The following EML6 variants were observed in gnomAD, a reference collection of about 807,000 sequenced individuals.
EML6 encodes the protein echinoderm microtubule-associated protein-like 6.
A neutral mutation model predicts 240.1 loss-of-function variants in EML6; 154 were observed. The ratio of observed to expected loss-of-function variants is 0.64; its 90% CI spans 0.56 to 0.73. The LOEUF (loss-of-function observed/expected upper bound fraction) is 0.73, where lower values mean the gene tolerates loss of function less well. Among genes scored for constraint, EML6 ranks in the 30% least tolerant of loss-of-function variants. EML6 has a pLI of 0.00. For synonymous variants in EML6, 1,148 were observed against 899.0 expected, an observed-to-expected ratio of 1.28 and a Z score of -4.95; for missense variants, 2,964 against 2,474.6, an observed-to-expected ratio of 1.20 and a Z score of -4.20.
intron 2 of EML6, among the ~76,000 whole-genome samples, chr2:54,779,190 C>T (rs1668735042): frequency 6.6e-6 from 1 of 152,084 alleles, no homozygotes; most frequent in Admixed American, 6.5e-5. Context: ...AAAGTTTTGA[C>T]ATCTCAGTTG....
intron 2 of EML6, among the ~76,000 whole-genome samples, chr2:54,772,114 A>G (rs1340137047): frequency 2.6e-5 from 4 of 152,254 alleles, no homozygotes; most frequent in African/African-American, 9.6e-5. Flanking sequence ...TGGAAGCCAC[A>G]GCATTTATTA....
chr2:54,930,319 T>C (rs1674785246), intron 28 of EML6, among the ~76,000 whole-genome samples: 2 of 152,218 alleles, frequency 1.3e-5, no homozygotes, highest in South Asian at 4.1e-4. Context: ...CCTAATCCTC[T>C]TCTTGTCTCA....
chr2:54,964,117 G>A lies in EML6; in HGVS notation c.5289G>A (p.Trp1763Ter). The change falls in exon 37 of 42, where the codon TGG (tryptophan) becomes TGA (stop). Residue 1763 changes from tryptophan to a stop codon, truncating the protein, a stop_gained. Transcript: ENST00000356458. LOFTEE classifies it high-confidence loss of function. ...TGTTGGTGAACAGCCTGAAAGTTTG[G>A]GGGAAAAAACGAGACCGGAAATCTG... Reference protein sequence around the residue: ...VILLVNSLKVWGKKRDRKSAI... With the variant: ...VILLVNSLKV 6.4e-7 allele frequency: 1 copy of A among 1,551,572 alleles called. No homozygotes were observed. Among genetic ancestry groups the A allele is most frequent in the Non-Finnish European group, 8.7e-7 (1 of 1,146,958 alleles).
Position 54,853,859 on chromosome 2 carries a change from A to G in EML6, c.1657+4A>G, listed in dbSNP as rs1263049922. 1.3e-6 allele frequency: 2 copies of G among 1,539,484 alleles called. No individual in the cohort carries two copies. Among genetic ancestry groups the G allele is most frequent in the Admixed American group, 2.0e-5 (1 of 50,770 alleles). ...AAATTTCCTTGTCTCAAGAGAGGTA[A>G]GGCCAAAAGAGATGTTTCATTGCAT... On this transcript the variant is annotated splice_donor_region_variant and intron_variant, in intron 11 of 41. Transcript: ENST00000356458.
chr2:54,961,192 T>G (rs1014248449), intron 35 of EML6, among the ~76,000 whole-genome samples: 1 of 113,430 alleles, frequency 8.8e-6, no homozygotes, highest in African/African-American at 3.5e-5. Context: ...TAGTTTTTTT[T>G]TTTTTTTTTT....
chr2:54,964,581 G>C lies in EML6; in HGVS notation c.5341G>C (p.Asp1781His). ...GATTGCTTTTTCTAGAATCAGCCCA[G>C]ACAACCGATTCTTAGCCGTTGGTTC... ...SAIQDIRISP[D>H]NRFLAVGSSE... The change falls in exon 38 of 42, where the codon GAC (aspartate) becomes CAC (histidine). Residue 1781 changes from aspartate to histidine, a missense_variant. Coordinates refer to ENST00000356458, the MANE Select transcript of EML6 (RefSeq NM_001039753.4). The C allele has an allele frequency of 6.4e-7, 1 of 1,552,364 alleles. No individual in the cohort carries two copies. The highest frequency in any genetic ancestry group is 8.7e-7 in the Non-Finnish European group (1 of 1,147,120).
At chr2:54,743,738 T>C (rs1683770536) in intron 2 of EML6, among the ~76,000 whole-genome samples, 2 of 152,238 alleles carry the variant, frequency 1.3e-5, no homozygotes, top group Non-Finnish European at 2.9e-5. Flanking sequence ...ATAGGAATAT[T>C]TGTTTTTTTA....
chr2:54,748,990 A>G (rs527825386), intron 2 of EML6, among the ~76,000 whole-genome samples: 77 of 152,320 alleles, frequency 5.1e-4, no homozygotes, highest in Admixed American at 1.0e-3. Flanking sequence ...TATACTTTCT[A>G]GAGTATATGC....
At chr2:54,906,579 T>C (rs1573115577) in intron 24 of EML6, among the ~76,000 whole-genome samples, 4 of 152,284 alleles carry the variant, frequency 2.6e-5, no homozygotes, top group Admixed American at 2.6e-4. Flanking sequence ...AAAGCCACCA[T>C]GCTTCTCATT....
At chr2:54,808,445 A>T (rs1024062621) in intron 2 of EML6, among the ~76,000 whole-genome samples, 4 of 152,294 alleles carry the variant, frequency 2.6e-5, no homozygotes, top group South Asian at 2.1e-4. Flanking sequence ...CTGACATGGA[A>T]AAGCTGCTCT....
Position 54,918,170 on chromosome 2 carries a change from A to G in EML6, c.3675+1235A>G, listed in dbSNP as rs574402003. ...TTATTTCTTCTCAGTGTTCCATCCT[A>G]TCTGTATCTTTGAATACCTTGTCAG... On this transcript the variant is annotated intron_variant, in intron 26 of 41. Coordinates refer to ENST00000356458, the MANE Select transcript of EML6 (RefSeq NM_001039753.4). Among the ~76,000 whole-genome samples the G allele has an allele frequency of 2.7e-3, 413 of 152,256 alleles. 3 individuals carry two copies. The highest frequency in any genetic ancestry group is 9.5e-3 in the African/African-American group (396 of 41,544).
At chr2:54,966,973 T>C in intron 38 of EML6, 27 bp from the exon 39 acceptor site, 1 of 1,455,966 alleles carries the variant, frequency 6.9e-7, no homozygotes, top group Non-Finnish European at 9.4e-7. Flanking sequence ...AGAACGTTGA[T>C]GAACATGGCT....
At chr2:54,794,837 T>C (rs1382013905) in intron 2 of EML6, among the ~76,000 whole-genome samples, 3 of 152,202 alleles carry the variant, frequency 2.0e-5, no homozygotes, top group African/African-American at 4.8e-5. Flanking sequence ...AGGAGGGTCA[T>C]TGGAGATGAA....
At chr2:54,830,952 A>T (rs911542203) in intron 7 of EML6, among the ~76,000 whole-genome samples, 1 of 152,186 alleles carries the variant, frequency 6.6e-6, no homozygotes, top group East Asian at 1.9e-4. Flanking sequence ...GTCTACCTCA[A>T]TGTAGGGACA....
At chr2:54,941,377 G>A (rs1300533477) in intron 28 of EML6, among the ~76,000 whole-genome samples, 2 of 152,174 alleles carry the variant, frequency 1.3e-5, no homozygotes, top group African/African-American at 4.8e-5. Flanking sequence ...CCTGAGGCAT[G>A]ATGAGCATGG....
At chr2:54,936,355 T>C (rs1675133977) in intron 28 of EML6, among the ~76,000 whole-genome samples, 1 of 152,186 alleles carries the variant, frequency 6.6e-6, no homozygotes, top group Admixed American at 6.5e-5. Flanking sequence ...GGAGCCATGG[T>C]TAGTAATTTA....
intron 28 of EML6, among the ~76,000 whole-genome samples, chr2:54,943,454 C>G (rs1675530881): frequency 6.6e-6 from 1 of 152,116 alleles, no homozygotes; most frequent in Non-Finnish European, 1.5e-5. Context: ...AAAACAGGTC[C>G]TTTGATTAAT....
chr2:54,796,136 C>T (rs571907569), intron 2 of EML6, among the ~76,000 whole-genome samples: 9 of 152,038 alleles, frequency 5.9e-5, no homozygotes, highest in Admixed American at 1.3e-4. Context: ...ATACAAAATC[C>T]GTCTAATAGT....
In EML6 at chr2:54,916,926, T is replaced by A; in HGVS notation, c.3666T>A (p.Tyr1222Ter). ...TTGGTTTCGTTAAGCTTTTTTCATA[T>A]CCTGTCAAGGTAATATTGCGTGTTT... ...DDFGFVKLFS[Y>*]PVKGQHARFK... The change falls in exon 26 of 42, where the codon TAT (tyrosine) becomes TAA (stop). Residue 1222 changes from tyrosine to a stop codon, truncating the protein, a stop_gained. Coordinates refer to ENST00000356458, the MANE Select transcript of EML6 (RefSeq NM_001039753.4). LOFTEE classifies it high-confidence loss of function. The A allele has an allele frequency of 6.5e-7, 1 of 1,541,666 alleles. No individual in the cohort carries two copies. Among genetic ancestry groups the A allele is most frequent in the Non-Finnish European group, 8.8e-7 (1 of 1,138,412 alleles).
Sources: gnomAD v4.1 joint callset for allele counts (sites outside exome capture counted in the v4.1 genomes callset) on GRCh38, gnomAD v4.1.1 for gene constraint, MANE v1.5 for transcripts, NCBI Gene and HGNC (gene_info 2026-07-23, HGNC 2026-07-21) for gene names.